OSBPL6: variants seen among roughly 807,000 people sequenced by gnomAD.
The protein encoded by OSBPL6 is oxysterol binding protein like 6.
OSBPL6 carries 49 observed loss-of-function variants against 125.8 expected under a neutral mutation model. That is an observed-to-expected ratio of 0.39 (90% CI 0.31 to 0.49). The LOEUF (loss-of-function observed/expected upper bound fraction) is 0.49. OSBPL6 is among the 20% of genes least tolerant of loss of function. The probability of loss-of-function intolerance (pLI) is 0.88; values close to 1 mark genes in which losing one functional copy is unlikely to be tolerated. For synonymous variants in OSBPL6, 394 were observed against 391.8 expected (o/e 1.01, Z -0.07); for missense variants, 986 against 1,135.4 (o/e 0.87, Z 1.89).
intron 15 of OSBPL6, among the ~76,000 whole-genome samples, chr2:178,375,505 C>T (rs1231324973): frequency 6.6e-6 from 1 of 152,168 alleles, no homozygotes; most frequent in Non-Finnish European, 1.5e-5. Context: ...TCACCACAAC[C>T]TCTGCCTCCC....
At chr2:178,217,489 A>G (rs2090140228) in intron 1 of OSBPL6, among the ~76,000 whole-genome samples, 1 of 152,206 alleles carries the variant, frequency 6.6e-6, no homozygotes, top group South Asian at 2.1e-4. Flanking sequence ...GACACACACG[A>G]GTTTAGGAGT....
At chr2:178,275,653 A>C (rs1267231982) in intron 1 of OSBPL6, among the ~76,000 whole-genome samples, 1 of 152,106 alleles carries the variant, frequency 6.6e-6, no homozygotes, top group Non-Finnish European at 1.5e-5. Context: ...AGACGGATTG[A>C]GTAGTCTCCA....
At chr2:178,310,761 A>G (rs1687202476) in intron 3 of OSBPL6, among the ~76,000 whole-genome samples, 2 of 152,136 alleles carry the variant, frequency 1.3e-5, no homozygotes, top group African/African-American at 4.8e-5. Flanking sequence ...ACTCCTGCCC[A>G]GCTTACACTG....
At position 178,402,339 on chromosome 2, in the gene OSBPL6, A is replaced by C. The variant is rs2154123283; in HGVS notation, c.*6780A>C. Reference sequence around the variant, plus strand: ...TAACCAGCCAGATAACCAGAAGTTTACTCTTCAAAGCCAAGAATCAGTACC... The same window carrying C: ...TAACCAGCCAGATAACCAGAAGTTTCCTCTTCAAAGCCAAGAATCAGTACC... On this transcript the variant is annotated 3_prime_UTR_variant, in exon 25 of 25. Coordinates refer to ENST00000190611, the MANE Select transcript of OSBPL6 (RefSeq NM_032523.4). 1 of 152,224 alleles carries C rather than the reference A, an allele frequency of 6.6e-6. No homozygotes were observed. The highest frequency in any genetic ancestry group is 1.9e-4 in the East Asian group (1 of 5,174). 9.4% of individuals were successfully genotyped at this position (152,224 alleles called of 1,614,324 possible). A position where few individuals can be genotyped will look rare whatever the true frequency, so the allele number is the denominator to read the frequency against.
chr2:178,309,112 C>T (rs1326575456), intron 3 of OSBPL6, among the ~76,000 whole-genome samples: 1 of 152,098 alleles, frequency 6.6e-6, no homozygotes, highest in Non-Finnish European at 1.5e-5. Flanking sequence ...GGAATTCCCA[C>T]CACCCTCCTC....
At chr2:178,303,330 G>A (rs901173262) in intron 2 of OSBPL6, among the ~76,000 whole-genome samples, 1 of 152,088 alleles carries the variant, frequency 6.6e-6, no homozygotes, top group African/African-American at 2.4e-5. Flanking sequence ...TTTAAGACTG[G>A]ATTACAAGTT....
chr2:178,380,034 A>G (rs1694315057), intron 15 of OSBPL6, among the ~76,000 whole-genome samples: 1 of 152,224 alleles, frequency 6.6e-6, no homozygotes, highest in Admixed American at 6.5e-5. Flanking sequence ...TTACATGACA[A>G]AAGAATTGGC....
intron 2 of OSBPL6, among the ~76,000 whole-genome samples, chr2:178,285,880 G>C (rs989921917): frequency 4.9e-4 from 74 of 152,338 alleles, no homozygotes; most frequent in African/African-American, 1.7e-3. Context: ...GGTGGTGGTA[G>C]TGGTGATGAC....
At chr2:178,255,032 G>C (rs1256260431) in intron 1 of OSBPL6, among the ~76,000 whole-genome samples, 1 of 152,160 alleles carries the variant, frequency 6.6e-6, no homozygotes, top group Non-Finnish European at 1.5e-5. Flanking sequence ...GTCCAGGAGC[G>C]GTGGCTCAGG....
Position 178,306,141 on chromosome 2 carries a change from T to C in OSBPL6, c.-44T>C, listed in dbSNP as rs372677840. On this transcript the variant is annotated 5_prime_UTR_variant, in exon 3 of 25. Transcript: ENST00000190611. ...CTTTGTTTGTGGATTTGAGAGAAGA[T>C]TGGGATGGTCTTAAGTGCATAAAAC... 3.4e-6 allele frequency: 4 copies of C among 1,160,150 alleles called. No individual in the cohort carries two copies. Among genetic ancestry groups the C allele is most frequent in the East Asian group, 2.4e-5 (1 of 42,484 alleles). The allele number at this position is 1,160,150 out of a possible 1,614,324, so 71.9% of individuals were successfully genotyped here.
intron 1 of OSBPL6, among the ~76,000 whole-genome samples, chr2:178,198,200 G>A (rs755029233): frequency 9.2e-5 from 14 of 152,166 alleles, no homozygotes; most frequent in Non-Finnish European, 1.8e-4. Flanking sequence ...AAATGAAAAG[G>A]ATTAGTTTAA....
At chr2:178,341,002 G>A (rs1260277880) in intron 11 of OSBPL6, among the ~76,000 whole-genome samples, 1 of 151,978 alleles carries the variant, frequency 6.6e-6, no homozygotes, top group Non-Finnish European at 1.5e-5. Context: ...TAATATTGTA[G>A]GGACAGATGT....
chr2:178,383,005 G>C lies in OSBPL6; in HGVS notation c.1622-19G>C. On this transcript the variant is annotated intron_variant, in intron 16 of 24. Transcript: ENST00000190611. ...TCAGAACAGCAAAGTGTCCTTCACT[G>C]TGACTCTCCTTCTTCCAGTCCTGAA... 3.7e-6 allele frequency: 6 copies of C among 1,613,316 alleles called. No individual in the cohort carries two copies. In the Middle Eastern group the frequency reaches 9.9e-4, roughly 266 times the overall value.
intron 3 of OSBPL6, chr2:178,320,442 A>C (rs1056938782): frequency 8.2e-6 from 13 of 1,581,304 alleles, no homozygotes; most frequent in Non-Finnish European, 1.1e-5. Flanking sequence ...TAAGTTCCTT[A>C]AAAAACTGAC....
chr2:178,203,187 T>C (rs2089348554), intron 1 of OSBPL6, among the ~76,000 whole-genome samples: 1 of 152,188 alleles, frequency 6.6e-6, no homozygotes, highest in African/African-American at 2.4e-5. Context: ...TAGTTTCTTT[T>C]AACTTTTTTC....
intron 8 of OSBPL6, among the ~76,000 whole-genome samples, chr2:178,334,011 A>G (rs1312275475): frequency 2.6e-5 from 4 of 152,198 alleles, no homozygotes; most frequent in Non-Finnish European, 5.9e-5. Context: ...CATTTTTACC[A>G]GGTGCCAGAC....
At chr2:178,227,150 A>G (rs1035744528) in intron 1 of OSBPL6, among the ~76,000 whole-genome samples, 4 of 152,222 alleles carry the variant, frequency 2.6e-5, no homozygotes, top group African/African-American at 7.2e-5. Flanking sequence ...AAGGATATGC[A>G]TGGGTATTTT....
chr2:178,214,085 A>C (rs1220979559), intron 1 of OSBPL6, among the ~76,000 whole-genome samples: 4 of 152,146 alleles, frequency 2.6e-5, no homozygotes, highest in Non-Finnish European at 5.9e-5. Context: ...ACTCCCTAAG[A>C]GCAGGGACCA....
chr2:178,385,602 A>G (rs1694872174), intron 19 of OSBPL6, 81 bp downstream of exon 19: 2 of 1,071,364 alleles, frequency 1.9e-6, no homozygotes, highest in South Asian at 1.4e-5. Flanking sequence ...CACTGTATTC[A>G]GTTTAGATTT....
Sources: allele counts gnomAD v4.1 joint callset (sites outside exome capture counted in the v4.1 genomes callset), GRCh38; gene constraint gnomAD v4.1.1; transcripts MANE v1.5; gene names NCBI Gene and HGNC (gene_info 2026-07-23, HGNC 2026-07-21).